Variants in IPCEF1 observed in about 807,000 individuals in gnomAD.
The protein encoded by IPCEF1 is interactor protein for cytohesin exchange factors 1.
In IPCEF1, 31 loss-of-function variants were observed where a neutral mutation model predicts 50.9. That is an observed-to-expected ratio of 0.61 (90% CI 0.46 to 0.82). IPCEF1 has a LOEUF of 0.82. IPCEF1 is among the 40% of genes least tolerant of loss of function. The pLI is 0.00. For synonymous variants in IPCEF1, 181 were observed against 192.0 expected (o/e 0.94, Z 0.47); for missense variants, 458 against 514.0 (o/e 0.89, Z 1.05).
intron 10 of IPCEF1, among the ~76,000 whole-genome samples, chr6:154,179,915 G>A (rs1326465575): frequency 2.0e-5 from 3 of 152,080 alleles, no homozygotes; most frequent in Non-Finnish European, 4.4e-5. Context: ...GGATTGTGCC[G>A]AGATTGTAAA....
At chr6:154,334,722 C>G (rs1041362878) in intron 1 of IPCEF1, among the ~76,000 whole-genome samples, 1 of 151,978 alleles carries the variant, frequency 6.6e-6, no homozygotes, top group Admixed American at 6.6e-5. Context: ...GTAGAATGGC[C>G]TTGGACAGGC....
At chr6:154,274,538 G>A (rs1005794522) in intron 2 of IPCEF1, among the ~76,000 whole-genome samples, 14 of 152,178 alleles carry the variant, frequency 9.2e-5, no homozygotes, top group African/African-American at 3.4e-4. Flanking sequence ...GATCTCAAAC[G>A]ATTTGCCTCT....
At chr6:154,243,041 A>G (rs1265258860) in intron 5 of IPCEF1, among the ~76,000 whole-genome samples, 1 of 152,138 alleles carries the variant, frequency 6.6e-6, no homozygotes, top group Non-Finnish European at 1.5e-5. Context: ...TGGATAGGAG[A>G]AAGACTTCAG....
At chr6:154,331,130 G>A (rs1046934741) in intron 1 of IPCEF1, among the ~76,000 whole-genome samples, 37 of 152,024 alleles carry the variant, frequency 2.4e-4, no homozygotes, top group African/African-American at 8.7e-4. Flanking sequence ...AACCAGGTAT[G>A]GTGGCATGTG....
In IPCEF1 at chr6:154,156,175, C is replaced by A. The variant is rs1406147849; in HGVS notation, c.*3653G>T. On this transcript the variant is annotated 3_prime_UTR_variant, in exon 12 of 12. Transcript: ENST00000367220. ...GGAAACACAGCATGATTAGGTGAAA[C>A]CCCAATCCATAGACAGCCCGCCAGC... 1 of 152,280 alleles carries A rather than the reference C, an allele frequency of 6.6e-6. No individual in the cohort carries two copies. Among genetic ancestry groups the A allele is most frequent in the Non-Finnish European group, 1.5e-5 (1 of 68,098 alleles). The allele number at this position is 152,280 out of a possible 1,614,324, so 9.4% of individuals were successfully genotyped here.
chr6:154,333,640 G>A (rs1471178404), intron 1 of IPCEF1, among the ~76,000 whole-genome samples: 1 of 149,718 alleles, frequency 6.7e-6, no homozygotes, highest in African/African-American at 2.5e-5. Context: ...ATGTATACAA[G>A]TATACATGTA....
chr6:154,228,219 G>A (rs11753552), intron 5 of IPCEF1, among the ~76,000 whole-genome samples: 2,674 of 151,632 alleles, frequency 0.018, 36 homozygotes, highest in Middle Eastern at 0.071. Context: ...TAATCCCAGC[G>A]CTTTGGGAGG....
Position 154,244,301 on chromosome 6 carries a change from G to GGTGTGT in IPCEF1, c.246+2284_246+2289dup, listed in dbSNP as rs10674508. On this transcript the variant is annotated intron_variant, in intron 5 of 11. Coordinates refer to ENST00000367220, the MANE Select transcript of IPCEF1 (RefSeq NM_001130700.2). ...TTAAGATTCGGTGTGTGTGTGGGTG[G>GGTGTGT]GTGTGTGTGTGTGTGTGTGTGTGTG... is the stretch of plus-strand genomic sequence containing the variant. Among the ~76,000 whole-genome samples, 1,103 of 148,034 alleles carry GGTGTGT rather than the reference G, an allele frequency of 7.5e-3. 9 individuals carry two copies. Among genetic ancestry groups the GGTGTGT allele is most frequent in the African/African-American group, 0.019 (747 of 40,184 alleles).
chr6:154,324,518 A>G (rs1783471330), intron 1 of IPCEF1, among the ~76,000 whole-genome samples: 1 of 152,168 alleles, frequency 6.6e-6, no homozygotes. Flanking sequence ...TTTCTACACA[A>G]TATACAAGAC....
At chr6:154,278,366 G>A (rs149325591) in intron 2 of IPCEF1, among the ~76,000 whole-genome samples, 3 of 152,140 alleles carry the variant, frequency 2.0e-5, no homozygotes, top group South Asian at 2.1e-4. Flanking sequence ...GGACAGGTCC[G>A]GGAGAATGAG....
chr6:154,323,683 T>C (rs996932046), intron 1 of IPCEF1, among the ~76,000 whole-genome samples: 3 of 152,220 alleles, frequency 2.0e-5, no homozygotes, highest in East Asian at 3.8e-4. Flanking sequence ...CTGGGTGCAG[T>C]GGCTCACACC....
intron 10 of IPCEF1, among the ~76,000 whole-genome samples, chr6:154,179,524 A>G (rs1276888912): frequency 6.6e-6 from 1 of 152,162 alleles, no homozygotes; most frequent in East Asian, 1.9e-4. Flanking sequence ...CTGAAGCAAA[A>G]TAAATGAATT....
intron 1 of IPCEF1, among the ~76,000 whole-genome samples, chr6:154,346,795 C>A (rs1349969952): frequency 1.3e-5 from 2 of 152,160 alleles, no homozygotes; most frequent in African/African-American, 2.4e-5. Flanking sequence ...GGAACAGCCC[C>A]CATGGTCTAA....
intron 1 of IPCEF1, among the ~76,000 whole-genome samples, chr6:154,315,200 G>A (rs1783184280): frequency 6.6e-6 from 1 of 152,122 alleles, no homozygotes; most frequent in East Asian, 1.9e-4. Flanking sequence ...GTGATTACTT[G>A]ATTAACATCT....
At chr6:154,167,468 A>G (rs2128553525) in intron 11 of IPCEF1, among the ~76,000 whole-genome samples, 1 of 152,216 alleles carries the variant, frequency 6.6e-6, no homozygotes, top group African/African-American at 2.4e-5. Flanking sequence ...AAATCAAGAC[A>G]TTTCCTTCTG....
At chr6:154,203,374 T>C (rs1777228449) in intron 9 of IPCEF1, among the ~76,000 whole-genome samples, 1 of 152,190 alleles carries the variant, frequency 6.6e-6, no homozygotes, top group South Asian at 2.1e-4. Flanking sequence ...GAATGTCATT[T>C]TGTGTATCAA....
At chr6:154,160,146 CA>C (rs1217517923) in intron 11 of IPCEF1, 106 bp from the exon 12 acceptor site, 4 of 860,992 alleles carry the variant, frequency 4.6e-6, no homozygotes, top group Non-Finnish European at 7.2e-6. Context: ...ATAAAATTAC[CA>C]AAGCATTTTT....
At chr6:154,234,813 A>G (rs1416015039) in intron 5 of IPCEF1, among the ~76,000 whole-genome samples, 3 of 152,246 alleles carry the variant, frequency 2.0e-5, no homozygotes, top group East Asian at 3.8e-4. Flanking sequence ...TCTGACATAC[A>G]AAGATAGTAA....
intron 1 of IPCEF1, among the ~76,000 whole-genome samples, chr6:154,302,496 A>G (rs7748585): frequency 0.79 from 119,408 of 151,986 alleles, 47,576 homozygotes; most frequent in African/African-American, 0.9. Context: ...TAGTGGGGGA[A>G]GGGGGTTTTG....
Sources: gnomAD v4.1 joint callset for allele counts (sites outside exome capture counted in the v4.1 genomes callset) on GRCh38, gnomAD v4.1.1 for gene constraint, MANE v1.5 for transcripts, NCBI Gene and HGNC (gene_info 2026-07-23, HGNC 2026-07-21) for gene names.